WDFY4: variants seen among roughly 807,000 people sequenced by gnomAD.
The protein encoded by WDFY4 is WD repeat- and FYVE domain-containing protein 4.
A neutral mutation model predicts 351.9 loss-of-function variants in WDFY4; 169 were observed. That is an observed-to-expected ratio of 0.48 (90% CI 0.42 to 0.55). The LOEUF is 0.55. WDFY4 is among the 20% of genes least tolerant of loss of function. The probability of loss-of-function intolerance (pLI) is 0.00; values close to 1 mark genes in which losing one functional copy is unlikely to be tolerated. For synonymous variants in WDFY4, 1,622 were observed against 1,574.6 expected, an observed-to-expected ratio of 1.03 and a Z score of -0.71; for missense variants, 3,803 against 3,935.6, an observed-to-expected ratio of 0.97 and a Z score of 0.90.
rs1239564598 is a variant in WDFY4 at position 48,859,026 on chromosome 10, GTTA to G, written c.6664-8234_6664-8232del. Among the ~76,000 whole-genome samples the G allele has an allele frequency of 7.9e-5, 12 of 152,186 alleles. No individual in the cohort carries two copies. In the South Asian group the frequency reaches 2.1e-3, roughly 26 times the overall value. On this transcript the variant is annotated intron_variant, in intron 39 of 61. Coordinates refer to ENST00000325239, the MANE Select transcript of WDFY4 (RefSeq NM_001394531.1). The stretch of plus-strand genomic sequence containing the variant: ...TTCATTGCTAATATTTTGAAATACA[GTTA>G]TTATGTGTGTGTTGATCTTATATCC...
rs753555878 is a variant in WDFY4 at position 48,788,535 on chromosome 10, G to A, written c.3814G>A (p.Asp1272Asn). Residue 1272 changes from aspartate to asparagine, a missense_variant, in exon 21 of 62, where the codon GAC becomes AAC. Around this residue, in one of 3 missense-constraint regions of WDFY4, gnomAD observed 3,054 missense variants for 3,148.6 expected, o/e 0.97. Coordinates refer to ENST00000325239, the MANE Select transcript of WDFY4 (RefSeq NM_001394531.1). ...NFQAVHVQGE[D>N]LDSEATPFVA... is the part of the protein sequence containing the mutation. ...TTAAAGATGTGTTGTTACAGGGGAG[G>A]ACCTGGACAGTGAAGCCACGCCCTT... 5 of 1,552,018 alleles carry A rather than the reference G, an allele frequency of 3.2e-6. No homozygotes were observed. The highest frequency in any genetic ancestry group is 3.5e-6 in the Non-Finnish European group (4 of 1,147,034).
intron 39 of WDFY4, among the ~76,000 whole-genome samples, chr10:48,837,946 GA>G (rs1460311307): frequency 6.6e-6 from 1 of 152,230 alleles, no homozygotes; most frequent in Non-Finnish European, 1.5e-5. Flanking sequence ...GGGACTTATA[GA>G]AGAACAGGAT....
intron 31 of WDFY4, 124 bp from the exon 32 acceptor site, chr10:48,817,121 C>A: frequency 8.4e-7 from 1 of 1,191,900 alleles, no homozygotes; most frequent in Non-Finnish European, 1.2e-6. Flanking sequence ...AATCTGCAGT[C>A]TTAAATAATG....
intron 12 of WDFY4, chr10:48,746,001 G>A (rs2065002710): frequency 5.8e-6 from 1 of 173,640 alleles, no homozygotes; most frequent in Non-Finnish European, 1.3e-5. Context: ...TGTAGAAATT[G>A]TCAGAAACGT....
intron 39 of WDFY4, among the ~76,000 whole-genome samples, chr10:48,866,959 T>C (rs962005813): frequency 2.0e-5 from 3 of 151,902 alleles, no homozygotes; most frequent in African/African-American, 7.3e-5. Flanking sequence ...TCACCTGAGG[T>C]CAGAAGTTCA....
chr10:48,956,103 T>C (rs1266326385), intron 51 of WDFY4, among the ~76,000 whole-genome samples: 1 of 152,112 alleles, frequency 6.6e-6, no homozygotes, highest in Non-Finnish European at 1.5e-5. Flanking sequence ...CCTCTCTGCC[T>C]CCTCCAAACC....
At chr10:48,876,203 G>A (rs764085025) in intron 42 of WDFY4, among the ~76,000 whole-genome samples, 3 of 152,190 alleles carry the variant, frequency 2.0e-5, no homozygotes, top group Non-Finnish European at 4.4e-5. Context: ...CCCTGCATGG[G>A]GGAAAGCTAT....
At chr10:48,880,581 G>A (rs34577893) in intron 43 of WDFY4, among the ~76,000 whole-genome samples, 19,795 of 152,192 alleles carry the variant, frequency 0.13, 1,441 homozygotes, top group Middle Eastern at 0.21. Flanking sequence ...GTGGGCGGTC[G>A]GGAGGGGAAA....
intron 1 of WDFY4, among the ~76,000 whole-genome samples, chr10:48,686,560 C>T (rs772466429): frequency 6.6e-6 from 1 of 151,994 alleles, no homozygotes; most frequent in Non-Finnish European, 1.5e-5. Context: ...ATATTTAAAT[C>T]GCTATATATG....
At chr10:48,778,926 G>A (rs1476834807) in intron 18 of WDFY4, 94 bp downstream of exon 18, 6 of 1,342,968 alleles carry the variant, frequency 4.5e-6, no homozygotes, top group African/African-American at 1.5e-5. Context: ...TAGAAACCTG[G>A]TGACCTTCTG....
intron 13 of WDFY4, among the ~76,000 whole-genome samples, chr10:48,766,751 T>A (rs969538393): frequency 6.6e-6 from 1 of 152,230 alleles, no homozygotes; most frequent in Non-Finnish European, 1.5e-5. Flanking sequence ...ACCTTGGTAA[T>A]GTTCCTTTTC....
intron 44 of WDFY4, among the ~76,000 whole-genome samples, chr10:48,895,838 A>G (rs537487226): frequency 1.3e-5 from 2 of 152,180 alleles, no homozygotes; most frequent in African/African-American, 4.8e-5. Context: ...TAACTCTCCA[A>G]GGGGCCTCAT....
chr10:48,966,056 A>G (rs942832237), intron 54 of WDFY4, among the ~76,000 whole-genome samples: 3 of 152,130 alleles, frequency 2.0e-5, no homozygotes, highest in African/African-American at 7.2e-5. Context: ...TCTTTGGAAT[A>G]TTTGAATGGA....
Position 48,811,544 on chromosome 10 carries a change from C to T in WDFY4, c.5050C>T (p.Leu1684=), listed in dbSNP as rs2067446947. 1.8e-5 allele frequency: 28 copies of T among 1,552,194 alleles called. No individual in the cohort carries two copies. The East Asian group carries it at 6.8e-4, about 38-fold the overall frequency. ...CCCCTTTGCCTGATCAATAGACAAC[C>T]TGAAGAGCCAGTCACCACTGCCTGA... ...TEGVDIVMDN[L]KSQSPLPEQS... Residue 1684 remains leucine (L), a synonymous_variant, in exon 30 of 62, where the codon CTG becomes TTG. Transcript: ENST00000325239.
intron 55 of WDFY4, 93 bp downstream of exon 55, chr10:48,966,766 G>A: frequency 6.9e-7 from 1 of 1,457,748 alleles, no homozygotes; most frequent in Non-Finnish European, 9.2e-7. Flanking sequence ...CACATACCTG[G>A]GCAAAGTATT....
chr10:48,803,328 T>C lies in WDFY4; in HGVS notation c.4453T>C (p.Ser1485Pro). The C allele has an allele frequency of 6.4e-7, 1 of 1,551,950 alleles. No individual in the cohort carries two copies. Among genetic ancestry groups the C allele is most frequent in the Non-Finnish European group, 8.7e-7 (1 of 1,146,984 alleles). The change falls in exon 25 of 62, where the codon TCC (serine) becomes CCC (proline). Residue 1485 changes from serine (S) to proline (P), a missense_variant. Ser to Pro is a moderately conservative substitution (Grantham distance 74). This residue lies in a region of WDFY4 where 3,054 missense variants were observed against 3,148.6 expected (regional missense o/e 0.97). Transcript: ENST00000325239. ...TADNLELSLF[S>P]HLLEILQSPR... ...AGACAATCTGGAGCTCAGCCTCTTT[T>C]CCCATCTTTTGGAAATCCTTCAATC...
chr10:48,833,993 T>C (rs955235959), intron 39 of WDFY4, among the ~76,000 whole-genome samples: 5 of 152,198 alleles, frequency 3.3e-5, no homozygotes, highest in African/African-American at 9.6e-5. Context: ...TTGGGAATCA[T>C]AGGCTTCAGG....
chr10:48,735,644 C>T (rs1056868440), intron 10 of WDFY4, among the ~76,000 whole-genome samples: 2 of 151,304 alleles, frequency 1.3e-5, no homozygotes, highest in African/African-American at 4.9e-5. Flanking sequence ...AAATAAGATT[C>T]TCATTGGAGA....
intron 39 of WDFY4, among the ~76,000 whole-genome samples, chr10:48,854,982 A>C (rs1370156155): frequency 1.3e-5 from 2 of 152,234 alleles, no homozygotes; most frequent in Admixed American, 1.3e-4. Context: ...GTCACTTGTA[A>C]TGCTCATAAT....
Sources: gnomAD v4.1 joint callset for allele counts (sites outside exome capture counted in the v4.1 genomes callset) on GRCh38, gnomAD v4.1.1 for gene constraint, gnomAD v4.1.1 regional missense constraint, MANE v1.5 for transcripts, NCBI Gene and HGNC (gene_info 2026-07-23, HGNC 2026-07-21) for gene names.